Variants in FGF7 observed in about 807,000 individuals in gnomAD.
FGF7 encodes the protein FGF-7.
FGF7 carries 6 observed loss-of-function variants against 20.5 expected under a neutral mutation model. The ratio of observed to expected loss-of-function variants is 0.29; its 90% CI spans 0.16 to 0.58. The LOEUF is 0.58. Ranked by LOEUF, FGF7 falls within the 20% of genes least tolerant of loss-of-function variation. The pLI, the probability that FGF7 is intolerant of heterozygous loss-of-function variation, is 0.90. For missense variants in FGF7, 144 were observed against 228.8 expected (o/e 0.63, Z 2.39); for synonymous variants, 64 against 74.7 (o/e 0.86, Z 0.74).
At chr15:49,438,413 C>T (rs1196468000) in intron 2 of FGF7, among the ~76,000 whole-genome samples, 1 of 151,682 alleles carries the variant, frequency 6.6e-6, no homozygotes, top group East Asian at 1.9e-4. Context: ...TGCTTTGTTC[C>T]ACCCAGTCTT....
At position 49,486,444 on chromosome 15, in the gene FGF7, A is replaced by G. The variant is rs1467674100; in HGVS notation, c.*1940A>G. ...GCATATTGAGGGCAGAGGAGGACTT[A>G]GTTTTTCATATGTGTTTCCTTAGTG... On this transcript the variant is annotated 3_prime_UTR_variant, in exon 4 of 4. Transcript: ENST00000267843. 2 of 152,006 alleles carry G rather than the reference A, an allele frequency of 1.3e-5. No homozygotes were observed. Among genetic ancestry groups the G allele is most frequent in the Non-Finnish European group, 2.9e-5 (2 of 67,930 alleles). The allele number at this position is 152,006 out of a possible 1,614,324, so 9.4% of individuals were successfully genotyped here.
intron 2 of FGF7, among the ~76,000 whole-genome samples, chr15:49,473,214 TCA>T (rs1325432833): frequency 6.6e-6 from 1 of 152,144 alleles, no homozygotes; most frequent in East Asian, 1.9e-4. Flanking sequence ...ACAGATTTAC[TCA>T]CAGTTTAGTT....
intron 2 of FGF7, among the ~76,000 whole-genome samples, chr15:49,453,038 C>T (rs1433780194): frequency 2.0e-5 from 3 of 152,036 alleles, no homozygotes; most frequent in East Asian, 1.9e-4. Context: ...AATCACTTTT[C>T]TCCTTTCTCT....
At chr15:49,452,391 A>G (rs890873296) in intron 2 of FGF7, among the ~76,000 whole-genome samples, 11 of 152,102 alleles carry the variant, frequency 7.2e-5, no homozygotes, top group Non-Finnish European at 1.5e-4. Context: ...TTACTATTTC[A>G]TATTTGTGAA....
At chr15:49,457,788 T>C (rs999139565) in intron 2 of FGF7, among the ~76,000 whole-genome samples, 3 of 151,962 alleles carry the variant, frequency 2.0e-5, no homozygotes, top group Non-Finnish European at 4.4e-5. Flanking sequence ...TAATACATTA[T>C]ATTAGAGAAT....
intron 2 of FGF7, among the ~76,000 whole-genome samples, chr15:49,444,391 T>C (rs1022316471): frequency 5.3e-5 from 8 of 151,746 alleles, no homozygotes; most frequent in Non-Finnish European, 1.0e-4. Flanking sequence ...AGATTATGTT[T>C]TATAGTATGA....
intron 2 of FGF7, among the ~76,000 whole-genome samples, chr15:49,430,480 C>T (rs961490072): frequency 6.6e-6 from 1 of 151,706 alleles, no homozygotes; most frequent in South Asian, 2.1e-4. Flanking sequence ...GGGGAGAGAA[C>T]CACAATTCTA....
At chr15:49,456,385 C>T (rs1418645601) in intron 2 of FGF7, among the ~76,000 whole-genome samples, 1 of 152,008 alleles carries the variant, frequency 6.6e-6, no homozygotes, top group Admixed American at 6.6e-5. Context: ...CAAGTCATTT[C>T]TGCCAATTAA....
chr15:49,457,755 T>C (rs1222032583), intron 2 of FGF7, among the ~76,000 whole-genome samples: 1 of 151,958 alleles, frequency 6.6e-6, no homozygotes, highest in African/African-American at 2.4e-5. Context: ...TTATTTAGTA[T>C]ATTTAAAATT....
intron 2 of FGF7, among the ~76,000 whole-genome samples, chr15:49,472,021 A>G (rs1597411126): frequency 2.9e-3 from 1 of 346 alleles, no homozygotes; most frequent in African/African-American, 0.022. Context: ...TTTAGAAGTG[A>G]AAAAAAAAAA....
At chr15:49,429,867 CATT>C (rs1029893730) in intron 2 of FGF7, among the ~76,000 whole-genome samples, 15 of 151,996 alleles carry the variant, frequency 9.9e-5, no homozygotes, top group Admixed American at 7.9e-4. Flanking sequence ...AAGGACCAGG[CATT>C]AGTATTTGTT....
At chr15:49,456,284 G>T (rs144872211) in intron 2 of FGF7, among the ~76,000 whole-genome samples, 13 of 152,102 alleles carry the variant, frequency 8.5e-5, no homozygotes, top group Admixed American at 5.9e-4. Context: ...ATAATAGAAT[G>T]CTTTGTGAAA....
At chr15:49,465,960 C>G (rs991825591) in intron 2 of FGF7, among the ~76,000 whole-genome samples, 1 of 152,064 alleles carries the variant, frequency 6.6e-6, no homozygotes, top group Admixed American at 6.6e-5. Flanking sequence ...TGGGGGTTAG[C>G]TGAAGCATAA....
intron 2 of FGF7, among the ~76,000 whole-genome samples, chr15:49,457,927 T>G (rs563070151): frequency 4.6e-5 from 7 of 152,140 alleles, no homozygotes; most frequent in African/African-American, 1.7e-4. Flanking sequence ...TAATTAATGT[T>G]AGAAAAATTA....
intron 2 of FGF7, among the ~76,000 whole-genome samples, chr15:49,458,283 AC>A (rs141562492): frequency 6.6e-6 from 1 of 151,514 alleles, no homozygotes; most frequent in African/African-American, 2.4e-5. Context: ...GAGAAAAAGA[AC>A]CCCCCCACGT....
chr15:49,474,841 T>A (rs1274024026), intron 2 of FGF7, among the ~76,000 whole-genome samples: 1 of 152,166 alleles, frequency 6.6e-6, no homozygotes, highest in Non-Finnish European at 1.5e-5. Context: ...ATCTCACTAA[T>A]GCCTGACGAT....
chr15:49,438,253 A>C (rs1240369549), intron 2 of FGF7, among the ~76,000 whole-genome samples: 1 of 151,782 alleles, frequency 6.6e-6, no homozygotes, highest in South Asian at 2.1e-4. Flanking sequence ...AAAAACAGTC[A>C]TTTACATTAT....
Position 49,469,965 on chromosome 15 carries a change from T to C in FGF7, c.287-13186T>C, listed in dbSNP as rs76161296. 2.0e-3 allele frequency among the ~76,000 whole-genome samples: 310 copies of C among 152,276 alleles called. 8 individuals are homozygous for C. The East Asian group carries it at 0.054, about 26-fold the overall frequency. On this transcript the variant is annotated intron_variant, in intron 2 of 3. Transcript: ENST00000267843. Reference sequence around the variant, plus strand: ...CACCTTCACAGTACAATTAAGAGTTTAATGATTCCATCTTTTCATTAGAGG... The same window carrying C: ...CACCTTCACAGTACAATTAAGAGTTCAATGATTCCATCTTTTCATTAGAGG...
At chr15:49,468,915 T>C (rs967411174) in intron 2 of FGF7, among the ~76,000 whole-genome samples, 2 of 152,098 alleles carry the variant, frequency 1.3e-5, no homozygotes, top group Admixed American at 1.3e-4. Context: ...TTTTTCTATT[T>C]CACTGTCACT....
Sources: gnomAD v4.1 joint callset for allele counts (sites outside exome capture counted in the v4.1 genomes callset) on GRCh38, gnomAD v4.1.1 for gene constraint, MANE v1.5 for transcripts, NCBI Gene and HGNC (gene_info 2026-07-23, HGNC 2026-07-21) for gene names.